The following SGCZ variants were observed in gnomAD, a reference collection of about 807,000 sequenced individuals.
The protein encoded by SGCZ is sarcoglycan zeta, also known as zeta-sarcoglycan.
In SGCZ, 40 loss-of-function variants were observed where a neutral mutation model predicts 41.3. That is an observed-to-expected ratio of 0.97 (90% CI 0.75 to 1.26). The LOEUF is 1.26. Ranked by LOEUF, SGCZ falls within the 50% of genes most tolerant of loss-of-function variation. The probability of loss-of-function intolerance (pLI) is 0.00; values close to 1 mark genes in which losing one functional copy is unlikely to be tolerated. For missense variants in SGCZ, 552 were observed against 369.8 expected, an observed-to-expected ratio of 1.49 and a Z score of -4.04; for synonymous variants, 206 against 137.5, an observed-to-expected ratio of 1.50 and a Z score of -3.49.
chr8:14,787,244 C>G (rs950691143), intron 1 of SGCZ, among the ~76,000 whole-genome samples: 2 of 152,092 alleles, frequency 1.3e-5, no homozygotes, highest in Admixed American at 1.3e-4. Flanking sequence ...GAAATGTCAG[C>G]ACAAGACAAT....
intron 2 of SGCZ, among the ~76,000 whole-genome samples, chr8:14,403,493 G>A (rs1013528727): frequency 2.6e-5 from 4 of 151,876 alleles, no homozygotes; most frequent in African/African-American, 7.3e-5. Context: ...AGAGTTTTTA[G>A]CATGAAGGTT....
intron 5 of SGCZ, among the ~76,000 whole-genome samples, chr8:14,163,206 GTTTGT>G (rs1804100511): frequency 6.6e-6 from 1 of 152,078 alleles, no homozygotes; most frequent in Admixed American, 6.5e-5. Context: ...ACATGTGAAG[GTTTGT>G]TACAGAGGTA....
chr8:14,198,274 A>T (rs1361694954), intron 4 of SGCZ, among the ~76,000 whole-genome samples: 1 of 152,168 alleles, frequency 6.6e-6, no homozygotes, highest in Non-Finnish European at 1.5e-5. Flanking sequence ...CAGTTATTAG[A>T]TTAACTGTCA....
chr8:14,122,036 T>C (rs924600715), intron 5 of SGCZ, among the ~76,000 whole-genome samples: 2 of 152,170 alleles, frequency 1.3e-5, no homozygotes, highest in African/African-American at 4.8e-5. Context: ...CCCAGCACTT[T>C]GGGAGGCCGA....
chr8:14,278,629 A>G (rs1800314879), intron 3 of SGCZ, among the ~76,000 whole-genome samples: 2 of 152,164 alleles, frequency 1.3e-5, no homozygotes, highest in South Asian at 4.1e-4. Context: ...TATTCTCTAT[A>G]TTGCTATTTA....
At chr8:14,754,264 C>T (rs915798814) in intron 1 of SGCZ, among the ~76,000 whole-genome samples, 6 of 152,198 alleles carry the variant, frequency 3.9e-5, no homozygotes, top group South Asian at 2.1e-4. Flanking sequence ...TATTTGAAAC[C>T]GTAGGCCTCA....
chr8:14,667,473 C>T (rs556822262), intron 1 of SGCZ, among the ~76,000 whole-genome samples: 4 of 152,240 alleles, frequency 2.6e-5, no homozygotes, highest in African/African-American at 7.2e-5. Flanking sequence ...TCGTACCACA[C>T]CAAATTAACT....
intron 2 of SGCZ, among the ~76,000 whole-genome samples, chr8:14,416,762 G>A (rs567309926): frequency 6.6e-6 from 1 of 151,952 alleles, no homozygotes; most frequent in East Asian, 1.9e-4. Flanking sequence ...TCTTATTGAT[G>A]TCATTTAGTC....
chr8:14,904,974 A>G (rs1799080957), intron 1 of SGCZ, among the ~76,000 whole-genome samples: 1 of 151,986 alleles, frequency 6.6e-6, no homozygotes, highest in Non-Finnish European at 1.5e-5. Flanking sequence ...TGTTATTATG[A>G]AAACTTAAGT....
intron 1 of SGCZ, among the ~76,000 whole-genome samples, chr8:14,913,540 T>A (rs1225890850): frequency 6.6e-6 from 1 of 152,108 alleles, no homozygotes; most frequent in Non-Finnish European, 1.5e-5. Flanking sequence ...AAGTTTATTG[T>A]TTCCTAGAAG....
intron 1 of SGCZ, among the ~76,000 whole-genome samples, chr8:14,630,177 T>C (rs1467285375): frequency 6.6e-6 from 1 of 152,140 alleles, no homozygotes; most frequent in Non-Finnish European, 1.5e-5. Flanking sequence ...GGTAACAGTA[T>C]AGTATGCTCC....
intron 1 of SGCZ, among the ~76,000 whole-genome samples, chr8:14,873,422 G>C (rs999566361): frequency 3.9e-5 from 6 of 152,030 alleles, no homozygotes; most frequent in African/African-American, 1.4e-4. Flanking sequence ...AGACTCTAGA[G>C]TCGTATAGTA....
chr8:14,448,107 T>C (rs1258440455), intron 2 of SGCZ, among the ~76,000 whole-genome samples: 1 of 152,026 alleles, frequency 6.6e-6, no homozygotes. Context: ...GCAGTAACAA[T>C]TAGGAGACAG....
intron 1 of SGCZ, among the ~76,000 whole-genome samples, chr8:14,634,263 G>C (rs1218880711): frequency 6.6e-6 from 1 of 151,726 alleles, no homozygotes; most frequent in Non-Finnish European, 1.5e-5. Context: ...ACTAAATTTT[G>C]AATTGGGGGG....
At chr8:14,872,484 A>G (rs969537575) in intron 1 of SGCZ, among the ~76,000 whole-genome samples, 9 of 152,136 alleles carry the variant, frequency 5.9e-5, no homozygotes, top group African/African-American at 2.2e-4. Context: ...GTTTAATTAG[A>G]AATACACAAT....
chr8:15,102,356 G>T (rs1302725510), intron 1 of SGCZ, among the ~76,000 whole-genome samples: 3 of 152,130 alleles, frequency 2.0e-5, no homozygotes, highest in Non-Finnish European at 4.4e-5. Flanking sequence ...GGGTTGCTAG[G>T]GGTTGAGGGG....
At chr8:14,090,694 T>C in intron 7 of SGCZ, 57 bp from the exon 8 acceptor site, 2 of 1,418,338 alleles carry the variant, frequency 1.4e-6, no homozygotes, top group Non-Finnish European at 1.9e-6. Context: ...CATCGAGTAA[T>C]CTACATCCCT....
intron 1 of SGCZ, among the ~76,000 whole-genome samples, chr8:14,951,382 G>A (rs962644149): frequency 3.3e-5 from 5 of 151,940 alleles, no homozygotes; most frequent in African/African-American, 1.2e-4. Flanking sequence ...TCACTATAGT[G>A]CATGTCAAAT....
chr8:15,222,757 GTGTGTGTGTGTGTC>G (rs1191239873), intron 1 of SGCZ, among the ~76,000 whole-genome samples: 1 of 151,610 alleles, frequency 6.6e-6, no homozygotes, highest in South Asian at 2.1e-4. Flanking sequence ...TAAACACAGA[GTGTGTGTGTGTGTC>G]TGTGTGTGTG....
Sources: allele counts gnomAD v4.1 joint callset (sites outside exome capture counted in the v4.1 genomes callset), GRCh38; gene constraint gnomAD v4.1.1; transcripts MANE v1.5; gene names NCBI Gene and HGNC (gene_info 2026-07-23, HGNC 2026-07-21).